Variants in TCF12 observed in about 807,000 individuals in gnomAD.
TCF12 encodes the protein DNA-binding protein HTF4.
In TCF12, 45 loss-of-function variants were observed where a neutral mutation model predicts 86.0. That is an observed-to-expected ratio of 0.52 (90% CI 0.41 to 0.67). The LOEUF is 0.67. TCF12 is among the 30% of genes least tolerant of loss of function. TCF12 has a pLI of 0.00. For synonymous variants in TCF12, 330 were observed against 299.6 expected (o/e 1.10, Z -1.05); for missense variants, 881 against 859.9 (o/e 1.02, Z -0.31).
rs111452000 is a variant in TCF12, at chr15:57,248,824, G to A, written c.1115-2526G>A. Among the ~76,000 whole-genome samples the A allele has an allele frequency of 8.8e-4, 134 of 152,298 alleles. 4 individuals are homozygous for A. The highest frequency in any genetic ancestry group is 3.2e-3 in the African/African-American group (132 of 41,546). On this transcript the variant is annotated intron_variant, in intron 13 of 20. Coordinates refer to ENST00000333725, the MANE Select transcript of TCF12 (RefSeq NM_207037.2). ...TTTTTTTAATAGCACCAAAAATTAT[G>A]TAGATGATTACCCAGGTAATTCAGT...
At chr15:57,270,358 AAG>A (rs1181585595) in intron 18 of TCF12, among the ~76,000 whole-genome samples, 1 of 152,126 alleles carries the variant, frequency 6.6e-6, no homozygotes, top group African/African-American at 2.4e-5. Flanking sequence ...TCAGCTATTG[AAG>A]CTTGTGTATG....
At chr15:57,137,550 G>T (rs1165615790) in intron 5 of TCF12, among the ~76,000 whole-genome samples, 1 of 152,190 alleles carries the variant, frequency 6.6e-6, no homozygotes, top group Non-Finnish European at 1.5e-5. Flanking sequence ...AGGAATCGTT[G>T]TAGGATTTAA....
intron 3 of TCF12, among the ~76,000 whole-genome samples, chr15:57,023,369 A>T (rs547577315): frequency 6.6e-6 from 1 of 152,252 alleles, no homozygotes; most frequent in South Asian, 2.1e-4. Context: ...AAAGGTGAGG[A>T]CATTGAAACT....
intron 3 of TCF12, among the ~76,000 whole-genome samples, chr15:57,020,587 A>G (rs1338918147): frequency 6.6e-6 from 1 of 152,252 alleles, no homozygotes; most frequent in Non-Finnish European, 1.5e-5. Flanking sequence ...CAAGCAATGT[A>G]GAGAACCATT....
At chr15:57,191,989 G>T (rs1318444796) in intron 6 of TCF12, among the ~76,000 whole-genome samples, 169 bp from the exon 7 acceptor site, 1 of 152,096 alleles carries the variant, frequency 6.6e-6, no homozygotes, top group Non-Finnish European at 1.5e-5. Flanking sequence ...AAAAGAGAAA[G>T]TAGGTATGGG....
At chr15:57,174,773 A>G (rs2055787472) in intron 6 of TCF12, among the ~76,000 whole-genome samples, 1 of 152,212 alleles carries the variant, frequency 6.6e-6, no homozygotes, top group Admixed American at 6.5e-5. Context: ...AGTACTGCTT[A>G]TAGTAGTATC....
chr15:57,266,657 A>G (rs563799784), intron 18 of TCF12, among the ~76,000 whole-genome samples: 5 of 152,326 alleles, frequency 3.3e-5, no homozygotes, highest in African/African-American at 1.2e-4. Flanking sequence ...CTTTGCTTTG[A>G]AGTATGAATA....
chr15:56,983,133 A>T (rs751866718), intron 3 of TCF12, among the ~76,000 whole-genome samples: 1 of 152,212 alleles, frequency 6.6e-6, no homozygotes, highest in African/African-American at 2.4e-5. Context: ...AATTGCTGGC[A>T]TGCCTATTTT....
At chr15:56,919,229 G>A (rs1445656879) in intron 1 of TCF12, 3 of 152,128 alleles carry the variant, frequency 2.0e-5, no homozygotes, top group Non-Finnish European at 2.9e-5. Context: ...TGTTCGGCAG[G>A]TCCGGGGCAG....
chr15:57,070,918 C>A (rs1345358477), intron 4 of TCF12, among the ~76,000 whole-genome samples: 1 of 152,108 alleles, frequency 6.6e-6, no homozygotes, highest in African/African-American at 2.4e-5. Context: ...TAGTTTCCTT[C>A]CTCCAACAGA....
intron 8 of TCF12, among the ~76,000 whole-genome samples, chr15:57,210,299 A>C (rs2058048321): frequency 6.6e-6 from 1 of 151,228 alleles, no homozygotes; most frequent in East Asian, 1.9e-4. Context: ...GACTCAGACA[A>C]GGTATGAGCT....
chr15:57,016,050 G>T (rs1016307393), intron 3 of TCF12, among the ~76,000 whole-genome samples: 47 of 152,278 alleles, frequency 3.1e-4, no homozygotes, highest in African/African-American at 1.1e-3. Context: ...AGATTACTTG[G>T]GGGAATTTCC....
intron 3 of TCF12, among the ~76,000 whole-genome samples, chr15:57,055,316 C>T (rs893432981): frequency 4.6e-5 from 7 of 152,152 alleles, no homozygotes; most frequent in Non-Finnish European, 4.4e-5. Context: ...GCAGGAGAAT[C>T]GCTTGAACCT....
intron 4 of TCF12, among the ~76,000 whole-genome samples, chr15:57,076,831 A>G (rs1335169262): frequency 1.3e-5 from 2 of 152,148 alleles, no homozygotes; most frequent in South Asian, 2.1e-4. Context: ...TTGTTTCTGT[A>G]TAAGATGTCA....
chr15:57,239,125 G>GT (rs2059498547), intron 12 of TCF12, among the ~76,000 whole-genome samples: 1 of 152,196 alleles, frequency 6.6e-6, no homozygotes, highest in Admixed American at 6.5e-5. Context: ...GGCTGAGGCA[G>GT]TGGGATCACC....
chr15:57,110,319 G>GA (rs11412560), intron 5 of TCF12, among the ~76,000 whole-genome samples: 148,992 of 152,210 alleles, frequency 0.98, 73,012 homozygotes, highest in East Asian at 1. Flanking sequence ...ATAGTTGGGG[G>GA]AAAAATGATG....
chr15:57,222,370 C>T (rs1308067945), intron 8 of TCF12, among the ~76,000 whole-genome samples: 1 of 151,426 alleles, frequency 6.6e-6, no homozygotes, highest in African/African-American at 2.4e-5. Context: ...GTATTTTATT[C>T]TTGGATATGT....
chr15:57,249,017 T>C (rs868738524), intron 13 of TCF12, among the ~76,000 whole-genome samples: 3 of 152,326 alleles, frequency 2.0e-5, no homozygotes, highest in South Asian at 4.1e-4. Context: ...CGGGGGGGCT[T>C]ACAGAAGGAG....
At position 57,190,091 on chromosome 15, in the gene TCF12, A is replaced by G. The variant is rs545822257; in HGVS notation, c.391-2067A>G. On this transcript the variant is annotated intron_variant, in intron 6 of 20. Transcript: ENST00000333725. ...TGGGCTAGGGGAGGGTGGAATGGAG[A>G]GTAAGTGCTTAATGGATCTGGAATT... 2.6e-5 allele frequency among the ~76,000 whole-genome samples: 4 copies of G among 152,278 alleles called. No individual in the cohort carries two copies. In the East Asian group the frequency reaches 7.7e-4, roughly 29 times the overall value.
Sources: allele counts gnomAD v4.1 joint callset (sites outside exome capture counted in the v4.1 genomes callset), GRCh38; gene constraint gnomAD v4.1.1; transcripts MANE v1.5; gene names NCBI Gene and HGNC (gene_info 2026-07-23, HGNC 2026-07-21).